Variants in ALG5 observed in about 807,000 individuals in gnomAD.
ALG5 encodes dolichyl-phosphate beta-glucosyltransferase.
Under a neutral mutation model 51.8 loss-of-function variants are expected in ALG5, and 26 were observed. The observed-to-expected ratio is 0.50, with a 90% CI of 0.37 to 0.70. ALG5 has a LOEUF of 0.70. ALG5 is among the 30% of genes least tolerant of loss of function. The pLI, the probability that ALG5 is intolerant of heterozygous loss-of-function variation, is 0.00. For missense variants in ALG5, 311 were observed against 399.3 expected (o/e 0.78, Z 1.88); for synonymous variants, 141 against 136.1 (o/e 1.04, Z -0.25).
At chr13:36,951,846 G>A (rs1032859406) in intron 9 of ALG5, among the ~76,000 whole-genome samples, 1 of 152,164 alleles carries the variant, frequency 6.6e-6, no homozygotes, top group African/African-American at 2.4e-5. Flanking sequence ...GTGCAATGGT[G>A]CAATCTTGGC....
chr13:36,976,685 T>C (rs1054419190), intron 6 of ALG5, among the ~76,000 whole-genome samples: 1 of 151,874 alleles, frequency 6.6e-6, no homozygotes, highest in African/African-American at 2.4e-5. Flanking sequence ...GAGGCAGAGG[T>C]TGCGGTGAGC....
chr13:36,954,460 A>G (rs1281709651), intron 8 of ALG5, among the ~76,000 whole-genome samples: 4 of 152,126 alleles, frequency 2.6e-5, no homozygotes. Context: ...CAAAGTCCTG[A>G]GATTACAGGC....
At chr13:36,987,317 C>T (rs2059006446) in intron 5 of ALG5, among the ~76,000 whole-genome samples, 1 of 152,188 alleles carries the variant, frequency 6.6e-6, no homozygotes, top group Non-Finnish European at 1.5e-5. Context: ...CAGTGGTACT[C>T]ATTTGACATA....
chr13:36,971,941 T>A, intron 7 of ALG5, 36 bp downstream of exon 7: 1 of 1,541,796 alleles, frequency 6.5e-7, no homozygotes, highest in Non-Finnish European at 8.8e-7. Flanking sequence ...AAAAGCCAAT[T>A]AATTGGCTGT....
At chr13:36,953,535 T>C (rs1030388262) in intron 8 of ALG5, among the ~76,000 whole-genome samples, 2 of 152,230 alleles carry the variant, frequency 1.3e-5, no homozygotes, top group African/African-American at 4.8e-5. Flanking sequence ...AGTCCTTGAC[T>C]GTTTTGCCTT....
At chr13:36,955,686 G>GAAAAAAAAAAAAAAAAAAAAAAAA (rs35130767) in intron 8 of ALG5, among the ~76,000 whole-genome samples, 1 of 36,478 alleles carries the variant, frequency 2.7e-5, no homozygotes, top group Non-Finnish European at 6.9e-5. Flanking sequence ...CAGAGATTGT[G>GAAAAAAAAAAAAAAAAAAAAAAAA]AAAAAAAAAA....
chr13:36,975,105 G>C (rs2058944241), intron 6 of ALG5, among the ~76,000 whole-genome samples: 2 of 152,136 alleles, frequency 1.3e-5, no homozygotes, highest in Admixed American at 6.5e-5. Context: ...CAGCCACTTG[G>C]GAGGTTGCGG....
chr13:36,997,674 A>G (rs543349356), intron 1 of ALG5, among the ~76,000 whole-genome samples: 1 of 152,180 alleles, frequency 6.6e-6, no homozygotes, highest in South Asian at 2.1e-4. Flanking sequence ...CACAGAATAA[A>G]TTTAAATCTG....
intron 5 of ALG5, among the ~76,000 whole-genome samples, chr13:36,988,133 G>A (rs1007746798): frequency 2.0e-5 from 3 of 151,842 alleles, no homozygotes; most frequent in African/African-American, 7.3e-5. Flanking sequence ...GCCTCCTCTG[G>A]GACATCTGTG....
chr13:36,964,820 G>A (rs2058884722), intron 8 of ALG5, among the ~76,000 whole-genome samples: 1 of 151,944 alleles, frequency 6.6e-6, no homozygotes, highest in South Asian at 2.1e-4. Flanking sequence ...AGCTACTTGG[G>A]AGGCTGAGGC....
chr13:36,965,796 T>G (rs1018916896), intron 7 of ALG5, 70 bp from the exon 8 acceptor site: 2 of 1,300,022 alleles, frequency 1.5e-6, no homozygotes, highest in Non-Finnish European at 2.1e-6. Flanking sequence ...AACACCTGGC[T>G]GTAGACAACT....
intron 5 of ALG5, among the ~76,000 whole-genome samples, chr13:36,986,210 G>A (rs1037732649): frequency 2.0e-5 from 3 of 151,990 alleles, no homozygotes; most frequent in Non-Finnish European, 2.9e-5. Context: ...ATTTATTATA[G>A]GATCTAAAGT....
At chr13:36,993,733 A>C (rs2059035972) in intron 3 of ALG5, 61 bp from the exon 4 acceptor site, 1 of 1,349,284 alleles carries the variant, frequency 7.4e-7, no homozygotes, top group African/African-American at 1.4e-5. Context: ...TATTCTAATC[A>C]AATCACCAGT....
chr13:36,994,523 C>CT (rs1475041791), intron 3 of ALG5, among the ~76,000 whole-genome samples: 2 of 151,784 alleles, frequency 1.3e-5, no homozygotes, highest in Admixed American at 6.6e-5. Context: ...TTAAAAATAT[C>CT]TTTTTTCTGT....
At chr13:36,992,762 A>G (rs574791063) in intron 4 of ALG5, among the ~76,000 whole-genome samples, 19 of 152,284 alleles carry the variant, frequency 1.2e-4, no homozygotes, top group Admixed American at 1.1e-3. Flanking sequence ...AATTTTCCTC[A>G]CACCCCTCAG....
At chr13:36,996,701 G>A (rs894440231) in intron 1 of ALG5, among the ~76,000 whole-genome samples, 5 of 152,146 alleles carry the variant, frequency 3.3e-5, no homozygotes, top group African/African-American at 7.2e-5. Flanking sequence ...TGCCTTTTGC[G>A]TTTTATATGT....
chr13:36,974,695 A>G (rs930387453), intron 6 of ALG5, among the ~76,000 whole-genome samples: 6 of 152,018 alleles, frequency 3.9e-5, no homozygotes, highest in African/African-American at 9.7e-5. Flanking sequence ...CACATTGCCA[A>G]TCTTGTTCTA....
chr13:36,959,433 TATCA>T (rs2138784474), intron 8 of ALG5, among the ~76,000 whole-genome samples: 1 of 152,350 alleles, frequency 6.6e-6, no homozygotes, highest in Non-Finnish European at 1.5e-5. Context: ...TAAATCATAA[TATCA>T]CTTTGTATCC....
chr13:36,954,750 AC>A, intron 8 of ALG5, among the ~76,000 whole-genome samples: 1 of 152,178 alleles, frequency 6.6e-6, no homozygotes, highest in South Asian at 2.1e-4. Context: ...TTCTTTTCTT[AC>A]TCAGTTCCTG....
Sources: gnomAD v4.1 joint callset for allele counts (sites outside exome capture counted in the v4.1 genomes callset) on GRCh38, gnomAD v4.1.1 for gene constraint, MANE v1.5 for transcripts, NCBI Gene and HGNC (gene_info 2026-07-23, HGNC 2026-07-21) for gene names.